VAV2: variants seen among roughly 807,000 people sequenced by gnomAD.
The protein encoded by VAV2 is guanine nucleotide exchange factor VAV2.
VAV2 carries 67 observed loss-of-function variants against 132.5 expected under a neutral mutation model. The ratio of observed to expected loss-of-function variants is 0.51; its 90% confidence interval spans 0.42 to 0.62. VAV2 has a LOEUF of 0.62. VAV2 is among the 20% of genes least tolerant of loss of function. The pLI, the probability that VAV2 is intolerant of heterozygous loss-of-function variation, is 0.00. For synonymous variants in VAV2, 492 were observed against 443.5 expected, an observed-to-expected ratio of 1.11 and a Z score of -1.37; for missense variants, 938 against 1,153.6, an observed-to-expected ratio of 0.81 and a Z score of 2.71.
chr9:133,972,295 C>T (rs186883219), intron 1 of VAV2, among the ~76,000 whole-genome samples: 1 of 152,234 alleles, frequency 6.6e-6, no homozygotes, highest in East Asian at 1.9e-4. Context: ...GCTAACTAAA[C>T]AGTCAGGAAT....
chr9:133,887,462 G>A (rs1411496814), intron 2 of VAV2, among the ~76,000 whole-genome samples: 1 of 152,110 alleles, frequency 6.6e-6, no homozygotes, highest in African/African-American at 2.4e-5. Context: ...AGCAATGGCA[G>A]CCCCAGGGCC....
intron 3 of VAV2, among the ~76,000 whole-genome samples, chr9:133,842,648 C>T (rs1422057085): frequency 6.6e-6 from 1 of 152,226 alleles, no homozygotes; most frequent in Non-Finnish European, 1.5e-5. Context: ...GCCTCAGTTT[C>T]CAATTCTGAA....
In VAV2 at chr9:133,961,803, C is replaced by A. The variant is rs562142435; in HGVS notation, c.205-22584G>T. On this transcript the variant is annotated intron_variant, in intron 1 of 29. Coordinates refer to ENST00000371850, the MANE Select transcript of VAV2 (RefSeq NM_001134398.2). The surrounding 1 kb of genome is among the most constrained non-coding windows in gnomAD (Gnocchi z 4.1). ...GCTTGCATGATGTACACCAGGGAGC[C>A]CACAGGAGCAGAGTGGCCCCTCGTT... Among the ~76,000 whole-genome samples the A allele has an allele frequency of 2.6e-5, 4 of 152,280 alleles. No individual in the cohort carries two copies. The highest frequency in any genetic ancestry group is 5.9e-5 in the Non-Finnish European group (4 of 68,008).
intron 3 of VAV2, among the ~76,000 whole-genome samples, chr9:133,844,555 C>T (rs1292096616): frequency 6.6e-6 from 1 of 152,246 alleles, no homozygotes; most frequent in Admixed American, 6.5e-5. Context: ...GGCTGCTCCA[C>T]CCAGCTGCCA....
intron 1 of VAV2, among the ~76,000 whole-genome samples, chr9:133,943,565 C>G (rs1260189681): frequency 6.6e-6 from 1 of 152,200 alleles, no homozygotes; most frequent in Non-Finnish European, 1.5e-5. Context: ...AGCTGAGTGG[C>G]CACAGCAAGG....
At chr9:133,984,772 G>A (rs543093487) in intron 1 of VAV2, among the ~76,000 whole-genome samples, 37 of 152,204 alleles carry the variant, frequency 2.4e-4, no homozygotes, top group African/African-American at 8.9e-4. Context: ...GCCAAGCGTG[G>A]TGGCAAAAGC....
At chr9:133,878,861 C>T (rs181772614) in intron 2 of VAV2, among the ~76,000 whole-genome samples, 13 of 152,310 alleles carry the variant, frequency 8.5e-5, no homozygotes, top group African/African-American at 2.6e-4. Context: ...GAAGCGCCCT[C>T]GGCCCGGGCA....
chr9:133,776,637 C>A lies in VAV2; in HGVS notation c.1966-557G>T, dbSNP rs189371634. ...GGCCTGGGGAAGGGAAGGAACCTGCCCCAGGCCACCTAGTGAGTTTGTGAC... is the reference window on the plus strand; with the variant it reads ...GGCCTGGGGAAGGGAAGGAACCTGCACCAGGCCACCTAGTGAGTTTGTGAC... On this transcript the variant is annotated intron_variant, in intron 23 of 29. Coordinates refer to ENST00000371850, the MANE Select transcript of VAV2 (RefSeq NM_001134398.2). 3.9e-5 allele frequency among the ~76,000 whole-genome samples: 6 copies of A among 152,278 alleles called. No homozygotes were observed. The East Asian group carries it at 7.7e-4, about 20-fold the overall frequency.
chr9:133,964,062 T>C (rs1187547843), intron 1 of VAV2, among the ~76,000 whole-genome samples: 1 of 137,714 alleles, frequency 7.3e-6, no homozygotes, highest in Non-Finnish European at 1.5e-5. Flanking sequence ...TATATATACA[T>C]ATATATAAAT....
intron 2 of VAV2, among the ~76,000 whole-genome samples, chr9:133,882,151 G>A (rs1216605519): frequency 1.3e-5 from 2 of 152,240 alleles, no homozygotes; most frequent in Non-Finnish European, 2.9e-5. Flanking sequence ...GCCCAGCCAT[G>A]CCCTGCAGAG....
At chr9:133,797,943 C>T (rs1834786382) in intron 9 of VAV2, 134 bp from the exon 10 acceptor site, 10 of 707,246 alleles carry the variant, frequency 1.4e-5, no homozygotes, top group East Asian at 3.0e-5. Context: ...GCTCCCTGCA[C>T]GTGGACACAT....
intron 3 of VAV2, among the ~76,000 whole-genome samples, chr9:133,859,757 CA>C (rs1243224291): frequency 3.3e-5 from 5 of 151,920 alleles, no homozygotes; most frequent in Non-Finnish European, 7.4e-5. Flanking sequence ...AAACAAAAAA[CA>C]CATAGTCTTT....
At chr9:133,956,286 G>C (rs564090145) in intron 1 of VAV2, among the ~76,000 whole-genome samples, 1 of 152,212 alleles carries the variant, frequency 6.6e-6, no homozygotes, top group South Asian at 2.1e-4. Flanking sequence ...CGTCTACCCA[G>C]CCTCCCCTGG....
intron 2 of VAV2, among the ~76,000 whole-genome samples, chr9:133,871,460 G>GGATA: frequency 7.0e-6 from 1 of 141,856 alleles, no homozygotes; most frequent in African/African-American, 2.7e-5. Context: ...ATGGATGGAT[G>GGATA]GAGAAGCGGA....
intron 3 of VAV2, among the ~76,000 whole-genome samples, chr9:133,847,317 G>A (rs764867953): frequency 7.9e-5 from 12 of 152,186 alleles, no homozygotes; most frequent in South Asian, 2.1e-4. Context: ...CCAGGACCCC[G>A]CAGCCACCAA....
At chr9:133,873,877 G>A (rs1054777271) in intron 2 of VAV2, among the ~76,000 whole-genome samples, 3 of 152,364 alleles carry the variant, frequency 2.0e-5, no homozygotes, top group Non-Finnish European at 4.4e-5. Flanking sequence ...GCCCAGCCTA[G>A]AACGAGGGGT....
At chr9:133,899,776 C>T (rs1839364540) in intron 2 of VAV2, among the ~76,000 whole-genome samples, 1 of 147,766 alleles carries the variant, frequency 6.8e-6, no homozygotes, top group African/African-American at 2.5e-5. Context: ...AATCCCAGCA[C>T]TTTGGGAGGC....
rs115926091 is a variant in VAV2 at position 133,826,720 on chromosome 9, T to C, written c.449+7552A>G. ...CATGTCCTTCCTTTGGCCTCTCTTCTGCCCTGAGTGGGAGCTTTCAAATTT... is the reference window on the plus strand; with the variant it reads ...CATGTCCTTCCTTTGGCCTCTCTTCCGCCCTGAGTGGGAGCTTTCAAATTT... On this transcript the variant is annotated intron_variant, in intron 4 of 29. Coordinates refer to ENST00000371850, the MANE Select transcript of VAV2 (RefSeq NM_001134398.2). This position sits in a 1 kb window ranked among gnomAD's most constrained non-coding sequence, Gnocchi z 4.2. 5.3e-3 allele frequency among the ~76,000 whole-genome samples: 810 copies of C among 152,294 alleles called. 8 individuals carry two copies. Among genetic ancestry groups the C allele is most frequent in the African/African-American group, 0.019 (772 of 41,546 alleles).
intron 2 of VAV2, among the ~76,000 whole-genome samples, chr9:133,892,524 C>CA (rs34577939): frequency 2.0e-5 from 3 of 152,002 alleles, no homozygotes; most frequent in Admixed American, 6.5e-5. Flanking sequence ...CAGGGGTCAG[C>CA]AAAAATCAAT....
Sources: allele counts gnomAD v4.1 joint callset (sites outside exome capture counted in the v4.1 genomes callset), GRCh38; gene constraint gnomAD v4.1.1; non-coding constraint Gnocchi (gnomAD v3.1); transcripts MANE v1.5; gene names NCBI Gene and HGNC (gene_info 2026-07-23, HGNC 2026-07-21).